Variants in SRL observed in about 807,000 individuals in gnomAD.
SRL encodes sarcalumenin.
A neutral mutation model predicts 39.5 loss-of-function variants in SRL; 23 were observed. That is an observed-to-expected ratio of 0.58 (90% CI 0.42 to 0.82). SRL has a LOEUF of 0.82. SRL is among the 40% of genes least tolerant of loss of function. The pLI is 0.00. For synonymous variants in SRL, 272 were observed against 237.4 expected, an observed-to-expected ratio of 1.15 and a Z score of -1.34; for missense variants, 592 against 607.8, an observed-to-expected ratio of 0.97 and a Z score of 0.27.
At chr16:4,211,785 T>C (rs62037569) in intron 1 of SRL, among the ~76,000 whole-genome samples, 36,672 of 146,690 alleles carry the variant, frequency 0.25, 5,220 homozygotes, top group Middle Eastern at 0.47. Context: ...GTGACTATGC[T>C]GATGATGAGG....
chr16:4,211,861 G>A (rs2052398428), intron 1 of SRL, among the ~76,000 whole-genome samples: 1 of 152,182 alleles, frequency 6.6e-6, no homozygotes, highest in Non-Finnish European at 1.5e-5. Flanking sequence ...CGACGATGAC[G>A]ACGATGGTGA....
In SRL at chr16:4,204,396, G is replaced by A. The variant is rs2052282715; in HGVS notation, c.163+137C>T. 7.6e-5 allele frequency: 6 copies of A among 78,592 alleles called. No homozygotes were observed. In the Admixed American group the frequency reaches 1.0e-3, roughly 14 times the overall value. 4.9% of individuals were successfully genotyped at this position (78,592 alleles called of 1,614,324 possible). ...CTCCTCTTCCCCAACGTCCCCTCCA[G>A]CCTCCAAGATAGATACAGCCCCGGC... On this transcript the variant is annotated intron_variant, in intron 2 of 5. Coordinates refer to ENST00000399609, the MANE Select transcript of SRL (RefSeq NM_001098814.2).
In SRL at chr16:4,203,191, A is replaced by G; in HGVS notation, c.234T>C (p.Asn78=). 1.2e-6 allele frequency: 2 copies of G among 1,614,116 alleles called. No individual in the cohort carries two copies. Among genetic ancestry groups the G allele is most frequent in the Non-Finnish European group, 1.7e-6 (2 of 1,179,968 alleles). The part of the protein sequence containing the change: ...IKPLEQSYKY[N]ELRQHEITDG... ...CTGTGATCTCATGCTGCCGGAGCTC[A>G]TTGTACTTGTAGGACTGCTCCAGAG... The change falls in exon 3 of 6, where the codon AAT becomes AAC. Residue 78 remains asparagine (N), a synonymous_variant. Coordinates refer to ENST00000399609, the MANE Select transcript of SRL (RefSeq NM_001098814.2).
At position 4,242,026 on chromosome 16, in the gene SRL, G is replaced by T; in HGVS notation, c.42C>A (p.Leu14=). ...LVLLGCLLAS[L]LFSGQAEETE... ...CCCTACCTGCTTGTCCTGAGAACAG[G>T]AGCGAGGCCAGGAGGCAGCCGAGCA... The change falls in exon 1 of 6, where the codon CTC becomes CTA. Residue 14 remains leucine (L), a synonymous_variant. Coordinates refer to ENST00000399609, the MANE Select transcript of SRL (RefSeq NM_001098814.2). 6.2e-7 allele frequency: 1 copy of T among 1,613,582 alleles called. No homozygotes were observed. Among genetic ancestry groups the T allele is most frequent in the Middle Eastern group, 1.7e-4 (1 of 5,952 alleles).
chr16:4,219,543 T>G (rs1220033683), intron 1 of SRL, among the ~76,000 whole-genome samples: 1 of 152,128 alleles, frequency 6.6e-6, no homozygotes, highest in Non-Finnish European at 1.5e-5. Flanking sequence ...AACGTCCACC[T>G]CCCAGTTTCA....
rs1281417324 is a variant in SRL, at chr16:4,192,775, C to T, written c.800G>A (p.Arg267Gln). The change falls in exon 6 of 6, where the codon CGG (arginine) becomes CAG (glutamine). Residue 267 changes from arginine (R) to glutamine (Q), a missense_variant. Transcript: ENST00000399609. This position sits in a 1 kb window ranked among gnomAD's most constrained non-coding sequence, Gnocchi z 4.0. ...ADNLATQMLM[R>Q]VYGALFWSLA... The stretch of plus-strand genomic sequence containing the variant: ...GCTCCAGAAGAGGGCCCCGTAAACC[C>T]GCATGAGCATTTGGGTGGCCAGATT... 4.3e-6 allele frequency: 7 copies of T among 1,614,050 alleles called. No individual in the cohort carries two copies. Among genetic ancestry groups the T allele is most frequent in the African/African-American group, 2.7e-5 (2 of 74,910 alleles).
At chr16:4,206,794 C>T (rs558099301) in intron 1 of SRL, 34 of 456,850 alleles carry the variant, frequency 7.4e-5, no homozygotes, top group Middle Eastern at 6.5e-4. Flanking sequence ...GCCTTCATAT[C>T]CAGGGTCTCA....
intron 1 of SRL, among the ~76,000 whole-genome samples, chr16:4,217,112 G>C (rs1202357318): frequency 6.6e-6 from 1 of 152,158 alleles, no homozygotes; most frequent in East Asian, 1.9e-4. Flanking sequence ...TGGGAAATGG[G>C]TGTGACACCT....
Position 4,237,478 on chromosome 16 carries a change from T to C in SRL, c.61+4529A>G, listed in dbSNP as rs571348511. ...CACCTACCTCTCTGGCATGGCTGAC[T>C]AATCAGTCTCCCCCTCCCTACTCTT... On this transcript the variant is annotated intron_variant, in intron 1 of 5. Transcript: ENST00000399609. Among the ~76,000 whole-genome samples, 14 of 152,200 alleles carry C rather than the reference T, an allele frequency of 9.2e-5. No homozygotes were observed. In the South Asian group the frequency reaches 2.3e-3, roughly 25 times the overall value.
chr16:4,204,749 C>T, intron 1 of SRL, 115 bp from the exon 2 acceptor site: 1 of 812,032 alleles, frequency 1.2e-6, no homozygotes, highest in Non-Finnish European at 2.1e-6. Flanking sequence ...AGGGTCTTGC[C>T]AAGTTACACT....
chr16:4,211,164 A>T (rs1319977276), intron 1 of SRL, among the ~76,000 whole-genome samples: 3 of 90,334 alleles, frequency 3.3e-5, no homozygotes, highest in Non-Finnish European at 5.1e-5. Context: ...ATCATGATTA[A>T]AAAAAAAAAA....
At chr16:4,241,861 G>A in intron 1 of SRL, 146 bp downstream of exon 1, 3 of 816,582 alleles carry the variant, frequency 3.7e-6, no homozygotes, top group Non-Finnish European at 5.7e-6. Flanking sequence ...CCCAGGCCCG[G>A]GGAAAAGAGA....
At position 4,231,177 on chromosome 16, in the gene SRL, A is replaced by G. The variant is rs1597295743; in HGVS notation, c.61+10830T>C. Among the ~76,000 whole-genome samples the G allele has an allele frequency of 2.0e-5, 3 of 152,224 alleles. No homozygotes were observed. The South Asian group carries it at 6.2e-4, about 32-fold the overall frequency. ...CAAAAAATACAAAAATTAGCTGAGC[A>G]TGGTGGTGCATGCCTATAGTCTCAG... On this transcript the variant is annotated intron_variant, in intron 1 of 5. Transcript: ENST00000399609.
At chr16:4,197,437 T>G (rs2052164357) in intron 4 of SRL, among the ~76,000 whole-genome samples, 1 of 148,274 alleles carries the variant, frequency 6.7e-6, no homozygotes, top group Non-Finnish European at 1.5e-5. Context: ...TTTTTTTTTT[T>G]TTGAGACGGA....
At chr16:4,213,941 C>CCT (rs2052424673) in intron 1 of SRL, among the ~76,000 whole-genome samples, 1 of 152,186 alleles carries the variant, frequency 6.6e-6, no homozygotes, top group African/African-American at 2.4e-5. Context: ...TGGGCTGGAA[C>CCT]TCAGGCCAAG....
Position 4,192,634 on chromosome 16 carries a change from A to G in SRL, c.941T>C (p.Leu314Pro). 1 of 1,614,096 alleles carries G rather than the reference A, an allele frequency of 6.2e-7. No individual in the cohort carries two copies. Among genetic ancestry groups the G allele is most frequent in the Non-Finnish European group, 8.5e-7 (1 of 1,180,026 alleles). ...GATCACCTGATTCAGGTCTTCTAGG[A>G]GGGAGATCTCTTCTTGGAGGAACAG... ...QELFLQEEIS[L>P]LEDLNQVIEN... is the part of the protein sequence containing the mutation. The change falls in exon 6 of 6, where the codon CTC becomes CCC. Residue 314 changes from leucine to proline, a missense_variant. Leu to Pro is a moderately conservative substitution (Grantham distance 98). Coordinates refer to ENST00000399609, the MANE Select transcript of SRL (RefSeq NM_001098814.2). This position sits in a 1 kb window ranked among gnomAD's most constrained non-coding sequence, Gnocchi z 4.0.
At chr16:4,206,294 A>C (rs1449554104) in intron 1 of SRL, among the ~76,000 whole-genome samples, 1 of 152,172 alleles carries the variant, frequency 6.6e-6, no homozygotes, top group Non-Finnish European at 1.5e-5. Flanking sequence ...TGCTTCCTAC[A>C]GCCTAGTCTT....
intron 1 of SRL, among the ~76,000 whole-genome samples, chr16:4,226,383 T>C (rs1475395780): frequency 6.6e-6 from 1 of 151,416 alleles, no homozygotes; most frequent in Non-Finnish European, 1.5e-5. Flanking sequence ...GAAGGATGGA[T>C]GGATGAACAG....
In SRL at chr16:4,204,652, C is replaced by G. The variant is rs755332352; in HGVS notation, c.62-18G>C. ...CGTCTCTTCTGTGGAGAGAAGCAGA[C>G]AGCCAAGTGAGAGCAAAGCTAACAG... On this transcript the variant is annotated intron_variant, in intron 1 of 5. Coordinates refer to ENST00000399609, the MANE Select transcript of SRL (RefSeq NM_001098814.2). 18 of 1,610,204 alleles carry G rather than the reference C, an allele frequency of 1.1e-5. No homozygotes were observed. Among genetic ancestry groups the G allele is most frequent in the Non-Finnish European group, 1.5e-5 (18 of 1,176,720 alleles).
Sources: gnomAD v4.1 joint callset for allele counts (sites outside exome capture counted in the v4.1 genomes callset) on GRCh38, gnomAD v4.1.1 for gene constraint, Gnocchi (gnomAD v3.1) non-coding constraint, MANE v1.5 for transcripts, NCBI Gene and HGNC (gene_info 2026-07-23, HGNC 2026-07-21) for gene names.